Variants in NIPA2 observed in about 807,000 individuals in gnomAD.
The protein encoded by NIPA2 is NIPA magnesium transporter 2, also known as magnesium transporter NIPA2.
In NIPA2, 11 loss-of-function variants were observed where a neutral mutation model predicts 29.7. That is an observed-to-expected ratio of 0.37 (90% CI 0.23 to 0.61). NIPA2 has a LOEUF of 0.61. NIPA2 is among the 20% of genes least tolerant of loss of function. The probability of loss-of-function intolerance (pLI) is 0.66; values close to 1 mark genes in which losing one functional copy is unlikely to be tolerated. For synonymous variants in NIPA2, 183 were observed against 161.9 expected, an observed-to-expected ratio of 1.13 and a Z score of -0.99; for missense variants, 426 against 437.9, an observed-to-expected ratio of 0.97 and a Z score of 0.24.
intron 7 of NIPA2, 98 bp from the exon 8 acceptor site, chr15:22,866,115 C>T (rs2059045020): frequency 1.7e-5 from 17 of 983,380 alleles, no homozygotes; most frequent in Non-Finnish European, 2.4e-5. Flanking sequence ...CCAGGCCATA[C>T]CTTTTCTCCC....
chr15:22,863,119 C>T (rs1011625799), intron 7 of NIPA2, among the ~76,000 whole-genome samples: 2 of 150,958 alleles, frequency 1.3e-5, no homozygotes, highest in Admixed American at 6.6e-5. Context: ...CTCGCCGTCA[C>T]CCAGGCTGGA....
intron 5 of NIPA2, among the ~76,000 whole-genome samples, chr15:22,854,318 G>A (rs1200308423): frequency 6.6e-6 from 1 of 151,014 alleles, no homozygotes; most frequent in Admixed American, 6.6e-5. Flanking sequence ...GTAGGGAAGG[G>A]GTTTCACCAT....
rs1370762013 is a variant in NIPA2 at position 22,866,637 on chromosome 15, G to C, written c.873G>C (p.Val291=). The stretch of plus-strand genomic sequence containing the variant: ...TGAGTGGCTTCTTTACAATCATTGT[G>C]GGGATATTCTTGTTGCATGCCTTTA... ...GTLSGFFTII[V]GIFLLHAFKD... is the part of the protein sequence containing the mutation. Residue 291 remains valine, a synonymous_variant, in exon 8 of 8, where the codon GTG becomes GTC. Transcript: ENST00000337451. 9.3e-6 allele frequency: 15 copies of C among 1,614,058 alleles called. No individual in the cohort carries two copies. The highest frequency in any genetic ancestry group is 1.3e-5 in the Non-Finnish European group (15 of 1,179,964).
At chr15:22,846,529 CTG>C (rs1264179680) in intron 3 of NIPA2, among the ~76,000 whole-genome samples, 1 of 152,062 alleles carries the variant, frequency 6.6e-6, no homozygotes, top group Non-Finnish European at 1.5e-5. Flanking sequence ...CAAGTAAAAT[CTG>C]GGCAGGATGC....
At chr15:22,844,176 C>A (rs1414607972) in intron 2 of NIPA2, among the ~76,000 whole-genome samples, 1 of 152,102 alleles carries the variant, frequency 6.6e-6, no homozygotes, top group African/African-American at 2.4e-5. Context: ...TCATAATTTT[C>A]TTTTATTTGA....
At chr15:22,849,718 TC>T (rs2057577348) in intron 3 of NIPA2, among the ~76,000 whole-genome samples, 1 of 151,932 alleles carries the variant, frequency 6.6e-6, no homozygotes. Flanking sequence ...TGCCACCACT[TC>T]CGGCTAATTT....
chr15:22,838,809 C>A lies in NIPA2; in HGVS notation c.-464C>A, dbSNP rs1896229512. The A allele has an allele frequency of 6.5e-6, 1 of 152,850 alleles. No homozygotes were observed. Among genetic ancestry groups the A allele is most frequent in the African/African-American group, 2.4e-5 (1 of 41,592 alleles). 9.5% of individuals were successfully genotyped at this position (152,850 alleles called of 1,614,324 possible). A position where few individuals can be genotyped will look rare whatever the true frequency, so the allele number is the denominator to read the frequency against. ...GCTCGCATCTCCCACTGGACGGCGA[C>A]GAAGGCGGTGGCCGTGCGAGCGCAG... On this transcript the variant is annotated 5_prime_UTR_variant, in exon 1 of 8. Coordinates refer to ENST00000337451, the MANE Select transcript of NIPA2 (RefSeq NM_030922.7).
intron 7 of NIPA2, among the ~76,000 whole-genome samples, chr15:22,865,724 G>GT (rs2058990644): frequency 6.6e-6 from 1 of 152,148 alleles, no homozygotes; most frequent in South Asian, 2.1e-4. Flanking sequence ...AACCCCAGTA[G>GT]TATCTTTCAA....
intron 7 of NIPA2, among the ~76,000 whole-genome samples, chr15:22,863,111 C>T (rs1464411534): frequency 6.7e-6 from 1 of 149,314 alleles, no homozygotes; most frequent in African/African-American, 2.5e-5. Flanking sequence ...GATGGAGTCT[C>T]GCCGTCACCC....
At chr15:22,851,922 C>T in intron 4 of NIPA2, 52 bp downstream of exon 4, 4 of 1,498,114 alleles carry the variant, frequency 2.7e-6, no homozygotes, top group East Asian at 4.5e-5. Context: ...TACCTACATG[C>T]ACAGGTTCTT....
intron 3 of NIPA2, among the ~76,000 whole-genome samples, chr15:22,850,476 A>G (rs776383141): frequency 1.2e-4 from 19 of 152,214 alleles, no homozygotes; most frequent in Non-Finnish European, 2.5e-4. Context: ...TTAATGGGCA[A>G]ATCAAAAACA....
At chr15:22,845,736 GA>G (rs1411523664) in intron 3 of NIPA2, among the ~76,000 whole-genome samples, 1 of 152,048 alleles carries the variant, frequency 6.6e-6, no homozygotes, top group Non-Finnish European at 1.5e-5. Context: ...TCTGTGTTAG[GA>G]AATGAAGTGG....
At chr15:22,856,450 G>C (rs1477977879) in intron 5 of NIPA2, among the ~76,000 whole-genome samples, 1 of 151,518 alleles carries the variant, frequency 6.6e-6, no homozygotes, top group African/African-American at 2.4e-5. Flanking sequence ...ATAGTAGAGA[G>C]TATCCTGGAT....
rs918716322 is a variant in NIPA2 at position 22,866,900 on chromosome 15, T to G, written c.*53T>G. ...GATTGTTATGAAGTGAATTTGAATA[T>G]CATCAGAATGTGTCTGAAAAAACAT... On this transcript the variant is annotated 3_prime_UTR_variant, in exon 8 of 8. Coordinates refer to ENST00000337451, the MANE Select transcript of NIPA2 (RefSeq NM_030922.7). The G allele has an allele frequency of 2.8e-6, 4 of 1,449,148 alleles. No individual in the cohort carries two copies. The African/African-American group carries it at 5.7e-5, about 21-fold the overall frequency. The allele number at this position is 1,449,148 out of a possible 1,614,324, so 89.8% of individuals were successfully genotyped here.
rs1171723687 is a variant in NIPA2, at chr15:22,866,508, G to C, written c.744G>C (p.Val248=). ...RALDIFNTSI[V]TPIYYVFFTT... ...TGGATATATTCAACACTTCCATTGT[G>C]ACTCCAATATATTATGTATTCTTTA... is the stretch of plus-strand genomic sequence containing the variant. The change falls in exon 8 of 8, where the codon GTG becomes GTC. Residue 248 remains valine, a synonymous_variant. Transcript: ENST00000337451. 1 of 1,613,674 alleles carries C rather than the reference G, an allele frequency of 6.2e-7. No homozygotes were observed. Among genetic ancestry groups the C allele is most frequent in the Admixed American group, 1.7e-5 (1 of 59,984 alleles).
At position 22,853,216 on chromosome 15, in the gene NIPA2, A is replaced by T. The variant is rs201403752; in HGVS notation, c.144A>T (p.Gln48His). 1.2e-6 allele frequency: 2 copies of T among 1,606,380 alleles called. No homozygotes were observed. Among genetic ancestry groups the T allele is most frequent in the East Asian group, 4.5e-5 (2 of 44,836 alleles). The change falls in exon 5 of 8, where the codon CAA becomes CAT. Residue 48 changes from glutamine to histidine, a missense_variant. By Grantham distance (24) the Gln-to-His change is conservative. Around this residue, in one of 3 missense-constraint regions of NIPA2, gnomAD observed 57 missense variants for 66.6 expected, o/e 0.86. Coordinates refer to ENST00000337451, the MANE Select transcript of NIPA2 (RefSeq NM_030922.7). ...LARKGSMRAGQGGHAYLKEWL... is the reference protein window; with the variant it reads ...LARKGSMRAGHGGHAYLKEWL... ...GAAATATTTCTTCATTCACAGGTCA[A>T]GGTGGCCATGCATATCTTAAGGAAT...
At position 22,866,822 on chromosome 15, in the gene NIPA2, G is replaced by A. The variant is rs1299162123; in HGVS notation, c.1058G>A (p.Arg353Lys). Residue 353 changes from arginine to lysine, a missense_variant, in exon 8 of 8, where the codon AGA (arginine) becomes AAA (lysine). By Grantham distance (26) the Arg-to-Lys change is conservative. Coordinates refer to ENST00000337451, the MANE Select transcript of NIPA2 (RefSeq NM_030922.7). ...CACACTGGTGAAAATGTCTCCCGAA[G>A]AAATGGAAATCTGACAGCTTTTTAA... The part of the protein sequence containing the change: ...EQHTGENVSR[R>K]NGNLTAF 3.8e-6 allele frequency: 6 copies of A among 1,595,766 alleles called. No individual in the cohort carries two copies. Among genetic ancestry groups the A allele is most frequent in the African/African-American group, 1.3e-5 (1 of 74,082 alleles).
Position 22,845,129 on chromosome 15 carries a change from A to C in NIPA2, c.-215-17A>C. 6.6e-6 allele frequency: 1 copy of C among 152,330 alleles called. No homozygotes were observed. Among genetic ancestry groups the C allele is most frequent in the Non-Finnish European group, 1.5e-5 (1 of 68,036 alleles). 9.4% of individuals were successfully genotyped at this position (152,330 alleles called of 1,614,324 possible). The stretch of plus-strand genomic sequence containing the variant: ...CTCATGGCTAATTCTTAAGAAGAAA[A>C]AATATCTCTGTTGCAGGCTCTCCCG... On this transcript the variant is annotated splice_polypyrimidine_tract_variant and intron_variant, in intron 2 of 7. Coordinates refer to ENST00000337451, the MANE Select transcript of NIPA2 (RefSeq NM_030922.7).
rs1409578558 is a variant in NIPA2 at position 22,866,388 on chromosome 15, A to G, written c.624A>G (p.Ala208=). The change falls in exon 8 of 8, where the codon GCA becomes GCG. Residue 208 remains alanine, a synonymous_variant. Transcript: ENST00000337451. ...GLGIAIKELF[A]GKPVLRHPLA... ...GCATTGCTATCAAGGAGCTGTTTGC[A>G]GGGAAGCCTGTGCTGCGGCATCCCC... The G allele has an allele frequency of 6.2e-7, 1 of 1,614,098 alleles. No homozygotes were observed. The highest frequency in any genetic ancestry group is 1.1e-5 in the South Asian group (1 of 91,088).
Sources: gnomAD v4.1 joint callset for allele counts (sites outside exome capture counted in the v4.1 genomes callset) on GRCh38, gnomAD v4.1.1 for gene constraint, gnomAD v4.1.1 regional missense constraint, MANE v1.5 for transcripts, NCBI Gene and HGNC (gene_info 2026-07-23, HGNC 2026-07-21) for gene names.